Variants in ZKSCAN1 observed in about 807,000 individuals in gnomAD.
ZKSCAN1 encodes zinc finger protein with KRAB and SCAN domains 1.
Under a neutral mutation model 51.6 loss-of-function variants are expected in ZKSCAN1, and 14 were observed. The observed-to-expected ratio is 0.27, with a 90% CI of 0.18 to 0.42. The LOEUF (loss-of-function observed/expected upper bound fraction) is 0.42. Among genes scored for constraint, ZKSCAN1 ranks in the 10% least tolerant of loss-of-function variants. The pLI is 1.00. For synonymous variants in ZKSCAN1, 263 were observed against 261.5 expected (o/e 1.01, Z -0.06); for missense variants, 531 against 710.0 (o/e 0.75, Z 2.86).
chr7:100,042,781 C>G (rs546532915), downstream of ZKSCAN1, among the ~76,000 whole-genome samples: 166 of 150,238 alleles, frequency 1.1e-3, no homozygotes, highest in African/African-American at 3.8e-3. Flanking sequence ...CACCACCACA[C>G]CCAGGTAATT....
downstream of ZKSCAN1, among the ~76,000 whole-genome samples, chr7:100,042,017 T>A (rs902706866): frequency 2.0e-5 from 3 of 152,060 alleles, no homozygotes. Flanking sequence ...AACAACAGAC[T>A]CTTTAAGACT....
chr7:100,043,597 T>C (rs968476240), downstream of ZKSCAN1, among the ~76,000 whole-genome samples: 6 of 150,066 alleles, frequency 4.0e-5, no homozygotes, highest in African/African-American at 1.5e-4. Context: ...TGGTCTCAAA[T>C]TCCTGGGCCT....
downstream of ZKSCAN1, among the ~76,000 whole-genome samples, chr7:100,043,734 A>G (rs746857817): frequency 1.6e-5 from 2 of 124,798 alleles, no homozygotes; most frequent in Non-Finnish European, 3.5e-5. Context: ...CACCCTCCAT[A>G]TCTACTTAGG....
At chr7:100,043,089 C>T (rs555778092), downstream of ZKSCAN1, among the ~76,000 whole-genome samples, 488 of 141,198 alleles carry the variant, frequency 3.5e-3, 2 homozygotes, top group African/African-American at 0.012. Flanking sequence ...CGTGAGCCAC[C>T]GCACCTGGCC....
At chr7:100,043,867 C>A (rs34065606), downstream of ZKSCAN1, among the ~76,000 whole-genome samples, 1 of 145,766 alleles carries the variant, frequency 6.9e-6, no homozygotes, top group African/African-American at 2.5e-5. Context: ...ACCTCCACCC[C>A]CTGGGTTCAA....
chr7:100,043,771 A>ATTTT (rs772298225), downstream of ZKSCAN1, among the ~76,000 whole-genome samples: 2 of 58,920 alleles, frequency 3.4e-5, no homozygotes, highest in Non-Finnish European at 6.0e-5. Context: ...TTCTTTCTTG[A>ATTTT]TTTTTTTTTT....
Position 100,040,507 on chromosome 7 carries a change from G to A in ZKSCAN1, c.*6310G>A, listed in dbSNP as rs1791549454. The A allele has an allele frequency of 1.0e-6, 1 of 985,450 alleles. No individual in the cohort carries two copies. The highest frequency in any genetic ancestry group is 1.2e-6 in the Non-Finnish European group (1 of 829,940). 61.0% of individuals were successfully genotyped at this position (985,450 alleles called of 1,614,324 possible). On this transcript the variant is annotated 3_prime_UTR_variant, in exon 6 of 6. Coordinates refer to ENST00000324306, the MANE Select transcript of ZKSCAN1 (RefSeq NM_003439.4). ...GAGTGAGATCTGTGAGTGATTGAAA[G>A]GTGATATTTAAAAACTTGGATTTCA...
rs1791188398 is a variant in ZKSCAN1, at chr7:100,033,217, G to A, written c.800-88G>A. 2 of 1,474,970 alleles carry A rather than the reference G, an allele frequency of 1.4e-6. No individual in the cohort carries two copies. Among genetic ancestry groups the A allele is most frequent in the South Asian group, 1.5e-5 (1 of 67,870 alleles). The allele number at this position is 1,474,970 out of a possible 1,614,324, so 91.4% of individuals were successfully genotyped here. A position where few individuals can be genotyped will look rare whatever the true frequency, so the allele number is the denominator to read the frequency against. ...TATTGCAAAGTCATTTTGCAGCCGTGTAGAAGCTTCTCGGGAAACTGTCGC... is the reference window on the plus strand; with the variant it reads ...TATTGCAAAGTCATTTTGCAGCCGTATAGAAGCTTCTCGGGAAACTGTCGC... On this transcript the variant is annotated intron_variant, in intron 5 of 5. Coordinates refer to ENST00000324306, the MANE Select transcript of ZKSCAN1 (RefSeq NM_003439.4). This position sits in a 1 kb window ranked among gnomAD's most constrained non-coding sequence, Gnocchi z 4.1.
intron 3 of ZKSCAN1, 106 bp downstream of exon 3, chr7:100,024,413 G>C: frequency 7.2e-7 from 1 of 1,382,652 alleles, no homozygotes; most frequent in Non-Finnish European, 9.7e-7. Context: ...GGGCAACGTA[G>C]CGAGACCCCA....
At position 100,024,041 on chromosome 7, in the gene ZKSCAN1, A is replaced by G. The variant is rs1790707715; in HGVS notation, c.426+109A>G. The G allele has an allele frequency of 3.3e-6, 5 of 1,523,532 alleles. No individual in the cohort carries two copies. The Admixed American group carries it at 1.1e-4, about 34-fold the overall frequency. The allele number at this position is 1,523,532 out of a possible 1,614,324, so 94.4% of individuals were successfully genotyped here. On this transcript the variant is annotated intron_variant, in intron 2 of 5. Transcript: ENST00000324306. Reference sequence around the variant, plus strand: ...TTATTAGGTGGTTACTCTGTCTTAAAAATGTTCTGGCTTTCTTCCTGCATC... The same window carrying G: ...TTATTAGGTGGTTACTCTGTCTTAAGAATGTTCTGGCTTTCTTCCTGCATC...
rs759568818 is a variant in ZKSCAN1, at chr7:100,034,053, C to T, written c.1548C>T (p.Pro516=). 6.2e-7 allele frequency: 1 copy of T among 1,614,020 alleles called. No individual in the cohort carries two copies. The highest frequency in any genetic ancestry group is 2.2e-5 in the East Asian group (1 of 44,884). ...GGAGAATTCACACTCGAGAAAAGCC[C>T]TACAAGTGCACTAAGTGTGGCAAGG... ...LHRRIHTREK[P]YKCTKCGKAF... is the part of the protein sequence containing the mutation. Residue 516 remains proline (P), a synonymous_variant, in exon 6 of 6, where the codon CCC becomes CCT. Coordinates refer to ENST00000324306, the MANE Select transcript of ZKSCAN1 (RefSeq NM_003439.4).
chr7:100,038,037 G>GA lies in ZKSCAN1; in HGVS notation c.*3840_*3841insA. On this transcript the variant is annotated 3_prime_UTR_variant, in exon 6 of 6. Coordinates refer to ENST00000324306, the MANE Select transcript of ZKSCAN1 (RefSeq NM_003439.4). ...GCTCTGTATCAAAAAAAAAAGTTGC[G>GA]GGGGGGTGCTCAATCTTAACTGCAG... 1 of 984,682 alleles carries GA rather than the reference G, an allele frequency of 1.0e-6. No homozygotes were observed. Among genetic ancestry groups the GA allele is most frequent in the Non-Finnish European group, 1.2e-6 (1 of 829,610 alleles). 61.0% of individuals were successfully genotyped at this position (984,682 alleles called of 1,614,324 possible).
intron 5 of ZKSCAN1, among the ~76,000 whole-genome samples, chr7:100,030,965 T>C (rs1392347559): frequency 6.6e-6 from 1 of 152,094 alleles, no homozygotes; most frequent in East Asian, 1.9e-4. Flanking sequence ...GAGCTCTGGG[T>C]CCTGGATGTG....
chr7:100,039,932 T>C lies in ZKSCAN1; in HGVS notation c.*5735T>C. ...GGTAGATTTTTATTTCAACTACTAC[T>C]GGAGAATTTAATAAAAGGCATTATT... On this transcript the variant is annotated 3_prime_UTR_variant, in exon 6 of 6. Coordinates refer to ENST00000324306, the MANE Select transcript of ZKSCAN1 (RefSeq NM_003439.4). The C allele has an allele frequency of 2.0e-6, 2 of 978,590 alleles. No individual in the cohort carries two copies. The highest frequency in any genetic ancestry group is 4.7e-5 in the South Asian group (1 of 21,124). The allele number at this position is 978,590 out of a possible 1,614,324, so 60.6% of individuals were successfully genotyped here. A position where few individuals can be genotyped will look rare whatever the true frequency, so the allele number is the denominator to read the frequency against.
chr7:100,040,757 G>C lies in ZKSCAN1; in HGVS notation c.*6560G>C. The C allele has an allele frequency of 1.0e-6, 1 of 985,480 alleles. No homozygotes were observed. Among genetic ancestry groups the C allele is most frequent in the African/African-American group, 1.7e-5 (1 of 57,364 alleles). The allele number at this position is 985,480 out of a possible 1,614,324, so 61.0% of individuals were successfully genotyped here. The stretch of plus-strand genomic sequence containing the variant: ...AGGCTGTTGGGGTGTGCTGGGGTTG[G>C]TACCCGAGCGCCTTCCCCTCACCTC... On this transcript the variant is annotated 3_prime_UTR_variant, in exon 6 of 6. Coordinates refer to ENST00000324306, the MANE Select transcript of ZKSCAN1 (RefSeq NM_003439.4).
chr7:100,042,364 T>C (rs536063939), downstream of ZKSCAN1, among the ~76,000 whole-genome samples: 34 of 151,128 alleles, frequency 2.2e-4, no homozygotes, highest in African/African-American at 8.3e-4. Flanking sequence ...TGTGAGGTTG[T>C]GTCCAGGAGG....
At position 100,036,877 on chromosome 7, in the gene ZKSCAN1, A is replaced by G. The variant is rs1791387040; in HGVS notation, c.*2680A>G. On this transcript the variant is annotated 3_prime_UTR_variant, in exon 6 of 6. Transcript: ENST00000324306. ...CCACAACTATATGCTGATATAACTC[A>G]GCCATCACTTTTGAGTTTTGTTTTT... 1 of 984,428 alleles carries G rather than the reference A, an allele frequency of 1.0e-6. No homozygotes were observed. The highest frequency in any genetic ancestry group is 1.8e-5 in the African/African-American group (1 of 57,046). The allele number at this position is 984,428 out of a possible 1,614,324, so 61.0% of individuals were successfully genotyped here. A position where few individuals can be genotyped will look rare whatever the true frequency, so the allele number is the denominator to read the frequency against.
intron 3 of ZKSCAN1, among the ~76,000 whole-genome samples, chr7:100,026,447 A>G (rs79152233): frequency 6.6e-6 from 1 of 151,950 alleles, no homozygotes; most frequent in Non-Finnish European, 1.5e-5. Flanking sequence ...ATAATAAATC[A>G]GCCAGGCATG....
At position 100,023,798 on chromosome 7, in the gene ZKSCAN1, C is replaced by A. The variant is rs746815893; in HGVS notation, c.292C>A (p.Leu98Ile). 1 of 1,614,192 alleles carries A rather than the reference C, an allele frequency of 6.2e-7. No individual in the cohort carries two copies. Among genetic ancestry groups the A allele is most frequent in the Non-Finnish European group, 8.5e-7 (1 of 1,180,036 alleles). The change falls in exon 2 of 6, where the codon CTT (leucine) becomes ATT (isoleucine). Residue 98 changes from leucine (L) to isoleucine (I), a missense_variant. Around this residue, in one of 2 missense-constraint regions of ZKSCAN1, gnomAD observed 403 missense variants for 490.5 expected, o/e 0.82. Coordinates refer to ENST00000324306, the MANE Select transcript of ZKSCAN1 (RefSeq NM_003439.4). Reference protein sequence around the residue: ...EINTKEQILELLVLEQFLSIL... With the variant: ...EINTKEQILEILVLEQFLSIL... ...AAACACCAAGGAACAGATCCTGGAG[C>A]TTCTGGTGCTAGAGCAGTTTCTTTC...
Sources: allele counts gnomAD v4.1 joint callset (sites outside exome capture counted in the v4.1 genomes callset), GRCh38; gene constraint gnomAD v4.1.1; regional missense constraint gnomAD v4.1.1; non-coding constraint Gnocchi (gnomAD v3.1); transcripts MANE v1.5; gene names NCBI Gene and HGNC (gene_info 2026-07-23, HGNC 2026-07-21).